DGKK: variants seen among roughly 807,000 people sequenced by gnomAD.
DGKK encodes the protein 142 kDa diacylglycerol kinase.
Under a neutral mutation model 92.2 loss-of-function variants are expected in DGKK, and 35 were observed. That is an observed-to-expected ratio of 0.38 (90% confidence interval 0.29 to 0.50). The LOEUF is 0.50. Ranked by LOEUF, DGKK falls within the 20% of genes least tolerant of loss-of-function variation. The probability of loss-of-function intolerance (pLI) is 0.92; values close to 1 mark genes in which losing one functional copy is unlikely to be tolerated. For missense variants in DGKK, 910 were observed against 992.2 expected (o/e 0.92, Z 1.11); for synonymous variants, 368 against 360.6 (o/e 1.02, Z -0.23).
At chrX:50,447,274 C>T (rs1420851191) in intron 1 of DGKK, among the ~76,000 whole-genome samples, 1 of 73,627 alleles carries the variant, frequency 1.4e-5, no homozygotes, top group African/African-American at 4.7e-5. Context: ...ATACATAAGT[C>T]AAAAATCTAA....
intron 4 of DGKK, among the ~76,000 whole-genome samples, chrX:50,419,282 C>T (rs1424883136): frequency 9.0e-6 from 1 of 111,629 alleles, no homozygotes; most frequent in African/African-American, 3.3e-5. Flanking sequence ...TTGTCATGTT[C>T]CCCATCATTG....
chrX:50,430,831 C>A (rs907292129), intron 1 of DGKK, among the ~76,000 whole-genome samples: 1 of 111,529 alleles, frequency 9.0e-6, no homozygotes. Context: ...ATAAACATTT[C>A]CCTCAATCCA....
chrX:50,381,238 CG>C (rs1924406157), intron 18 of DGKK, among the ~76,000 whole-genome samples: 1 of 111,576 alleles, frequency 9.0e-6, no homozygotes, highest in Admixed American at 9.5e-5. Context: ...GAAGCTGAGG[CG>C]GGCGGATTGC....
intron 26 of DGKK, among the ~76,000 whole-genome samples, chrX:50,371,356 C>A (rs1394037046): frequency 8.9e-6 from 1 of 112,053 alleles, no homozygotes; most frequent in Non-Finnish European, 1.9e-5. Flanking sequence ...TGGTATGAAC[C>A]AGATGAAGTT....
At chrX:50,416,367 G>A (rs1474402499) in intron 4 of DGKK, among the ~76,000 whole-genome samples, 2 of 112,056 alleles carry the variant, frequency 1.8e-5, no homozygotes, top group African/African-American at 3.2e-5. Flanking sequence ...TTAATTATTT[G>A]TCTAGTAGTT....
At chrX:50,388,235 T>C (rs1358871635) in intron 13 of DGKK, among the ~76,000 whole-genome samples, 1 of 112,141 alleles carries the variant, frequency 8.9e-6, no homozygotes, top group Non-Finnish European at 1.9e-5. Flanking sequence ...GTGTCTATAC[T>C]ATAGGGAGCT....
At chrX:50,425,289 A>G (rs782355267) in intron 1 of DGKK, among the ~76,000 whole-genome samples, 4 of 111,539 alleles carry the variant, frequency 3.6e-5, no homozygotes, top group Admixed American at 2.9e-4. Flanking sequence ...CAAAGTTTCA[A>G]ATTAGTTGGT....
At chrX:50,406,370 C>T (rs1557227287) in intron 4 of DGKK, among the ~76,000 whole-genome samples, 1 of 111,673 alleles carries the variant, frequency 9.0e-6, no homozygotes, top group Non-Finnish European at 1.9e-5. Flanking sequence ...AACTGTGTCC[C>T]CTCAGAAATA....
chrX:50,378,263 GA>G (rs782077000), intron 21 of DGKK, 31 bp from the exon 22 acceptor site: 44 of 1,191,974 alleles, frequency 3.7e-5, no homozygotes, highest in Non-Finnish European at 4.4e-5. Flanking sequence ...GAATGGGAGA[GA>G]AAAATGGGGC....
intron 7 of DGKK, among the ~76,000 whole-genome samples, 168 bp downstream of exon 7, chrX:50,402,893 T>A (rs1925046140): frequency 9.0e-6 from 1 of 111,577 alleles, no homozygotes; most frequent in Non-Finnish European, 1.9e-5. Flanking sequence ...GGCTCCATAG[T>A]CAGATCTGGA....
intron 4 of DGKK, among the ~76,000 whole-genome samples, chrX:50,409,809 G>T (rs1925262557): frequency 9.0e-6 from 1 of 111,323 alleles, no homozygotes; most frequent in Non-Finnish European, 1.9e-5. Context: ...GGGCCTTTGG[G>T]AGGTGATTAG....
At chrX:50,468,083 A>G (rs1317429894) in intron 1 of DGKK, among the ~76,000 whole-genome samples, 1 of 112,102 alleles carries the variant, frequency 8.9e-6, no homozygotes, top group Non-Finnish European at 1.9e-5. Context: ...AGCACGTCTG[A>G]GTGGGCACTA....
chrX:50,442,973 C>G (rs1926203567), intron 1 of DGKK, among the ~76,000 whole-genome samples: 2 of 111,605 alleles, frequency 1.8e-5, no homozygotes, highest in South Asian at 7.5e-4. Flanking sequence ...AACATGGCCA[C>G]TTACTTCATG....
At chrX:50,461,505 T>C (rs188231236) in intron 1 of DGKK, among the ~76,000 whole-genome samples, 138 of 112,820 alleles carry the variant, frequency 1.2e-3, no homozygotes, top group African/African-American at 4.2e-3. Flanking sequence ...TTTTCCACAT[T>C]CTCTGAAATT....
intron 15 of DGKK, 24 bp downstream of exon 15, chrX:50,386,334 T>C: frequency 8.7e-7 from 1 of 1,155,632 alleles, no homozygotes; most frequent in Non-Finnish European, 1.2e-6. Context: ...CCTACCTCAG[T>C]CACTACAACC....
chrX:50,447,392 ATATT>A lies in DGKK; in HGVS notation c.645+22638_645+22641del, dbSNP rs1557232071. ...TATTATATATATATATAATATATATATATTATATATATATATAATATATATATAT... is the reference window on the plus strand; with the variant it reads ...TATTATATATATATATAATATATATAATATATATATATAATATATATATAT... On this transcript the variant is annotated intron_variant, in intron 1 of 27. Coordinates refer to ENST00000611977, the MANE Select transcript of DGKK (RefSeq NM_001013742.4). 2.9e-4 allele frequency among the ~76,000 whole-genome samples: 5 copies of A among 17,227 alleles called. 1 individual carries two copies. The highest frequency in any genetic ancestry group is 2.6e-3 in the African/African-American group (5 of 1,922). The allele number at this position is 17,227 out of a possible 115,157, so 15.0% of individuals were successfully genotyped here.
At chrX:50,399,010 G>A (rs1397099653) in intron 8 of DGKK, among the ~76,000 whole-genome samples, 1 of 112,229 alleles carries the variant, frequency 8.9e-6, no homozygotes, top group Admixed American at 9.4e-5. Flanking sequence ...CACCTCTTTG[G>A]TCAACTACCT....
intron 8 of DGKK, among the ~76,000 whole-genome samples, chrX:50,400,202 G>A (rs908993239): frequency 2.7e-5 from 3 of 110,848 alleles, no homozygotes; most frequent in Non-Finnish European, 5.7e-5. Context: ...TTTTCCTTAC[G>A]TCATGATACC....
intron 1 of DGKK, among the ~76,000 whole-genome samples, chrX:50,446,838 C>T (rs1367413945): frequency 9.0e-6 from 1 of 110,871 alleles, no homozygotes; most frequent in Non-Finnish European, 1.9e-5. Flanking sequence ...TGCTGTCTTT[C>T]ATGCTTTTGG....
Sources: allele counts gnomAD v4.1 joint callset (sites outside exome capture counted in the v4.1 genomes callset), GRCh38; gene constraint gnomAD v4.1.1; transcripts MANE v1.5; gene names NCBI Gene and HGNC (gene_info 2026-07-23, HGNC 2026-07-21).